C6: variants seen among roughly 807,000 people sequenced by gnomAD.
The protein encoded by C6 is complement component C6.
A neutral mutation model predicts 112.9 loss-of-function variants in C6; 101 were observed. That is an observed-to-expected ratio of 0.89 (90% CI 0.76 to 1.06). The LOEUF is 1.06. Ranked by LOEUF, C6 falls within the 50% of genes least tolerant of loss-of-function variation. The probability of loss-of-function intolerance (pLI) is 0.00; values close to 1 mark genes in which losing one functional copy is unlikely to be tolerated. For synonymous variants in C6, 431 were observed against 384.1 expected, an observed-to-expected ratio of 1.12 and a Z score of -1.43; for missense variants, 1,202 against 1,104.6, an observed-to-expected ratio of 1.09 and a Z score of -1.25.
chr5:41,260,872 GAAACAGAATGAATGAAAATGA>G (rs746688151), intron 1 of C6, among the ~76,000 whole-genome samples: 52 of 151,896 alleles, frequency 3.4e-4, no homozygotes, highest in Non-Finnish European at 6.6e-4. Flanking sequence ...TGGGTAAGGA[GAAACAGAATGAATGAAAATGA>G]AAACATGAAC....
At chr5:41,210,368 G>A (rs1420513003) in intron 1 of C6, among the ~76,000 whole-genome samples, 1 of 152,084 alleles carries the variant, frequency 6.6e-6, no homozygotes, top group Non-Finnish European at 1.5e-5. Flanking sequence ...TTGACAAATG[G>A]GATCTAATTA....
At chr5:41,199,669 A>G in intron 4 of C6, 99 bp downstream of exon 4, 1 of 1,184,714 alleles carries the variant, frequency 8.4e-7, no homozygotes. Context: ...ATGTGGTGGG[A>G]TTTCTCTGTG....
At chr5:41,172,728 G>A in intron 8 of C6, 1 of 311,904 alleles carries the variant, frequency 3.2e-6, no homozygotes, top group Non-Finnish European at 6.2e-6. Flanking sequence ...GCACTGTGTA[G>A]CCCTGCAAAT....
At chr5:41,194,218 A>T (rs957888827) in intron 5 of C6, among the ~76,000 whole-genome samples, 3 of 152,198 alleles carry the variant, frequency 2.0e-5, no homozygotes, top group African/African-American at 7.2e-5. Flanking sequence ...CATGGATAAG[A>T]ATATGTTGTT....
At chr5:41,256,131 T>A (rs558376192) in intron 1 of C6, among the ~76,000 whole-genome samples, 64 of 152,304 alleles carry the variant, frequency 4.2e-4, no homozygotes, top group African/African-American at 1.4e-3. Flanking sequence ...TCATTTTTTA[T>A]GGCTGCATAG....
Position 41,177,659 on chromosome 5 carries a change from C to A in C6, c.928-944G>T, listed in dbSNP as rs1349060042. 2.6e-5 allele frequency among the ~76,000 whole-genome samples: 4 copies of A among 152,054 alleles called. No homozygotes were observed. In the East Asian group the frequency reaches 7.7e-4, roughly 29 times the overall value. Reference sequence around the variant, plus strand: ...GTATGGCAAAAGATGACTGCTGACACAAAAGAAAAAAAATAATCCCAAGGA... The same window carrying A: ...GTATGGCAAAAGATGACTGCTGACAAAAAAGAAAAAAAATAATCCCAAGGA... On this transcript the variant is annotated intron_variant, in intron 7 of 17. Coordinates refer to ENST00000337836, the MANE Select transcript of C6 (RefSeq NM_000065.5).
intron 1 of C6, among the ~76,000 whole-genome samples, chr5:41,244,112 A>G (rs763745443): frequency 3.9e-5 from 6 of 152,222 alleles, no homozygotes; most frequent in Admixed American, 3.3e-4. Context: ...AGTCACAACT[A>G]TAGAAAAAGA....
At chr5:41,241,962 C>G (rs1188102875) in intron 1 of C6, among the ~76,000 whole-genome samples, 3 of 152,028 alleles carry the variant, frequency 2.0e-5, no homozygotes, top group Admixed American at 6.5e-5. Context: ...ATAAAAAAAC[C>G]TATAGCAAGA....
chr5:41,170,538 A>T (rs978893612), intron 9 of C6, among the ~76,000 whole-genome samples: 4 of 152,006 alleles, frequency 2.6e-5, no homozygotes, highest in Non-Finnish European at 5.9e-5. Flanking sequence ...ATATTACCAG[A>T]TTATTTGCTT....
At chr5:41,143,905 A>C (rs1003202293) in intron 17 of C6, among the ~76,000 whole-genome samples, 1 of 152,240 alleles carries the variant, frequency 6.6e-6, no homozygotes, top group Non-Finnish European at 1.5e-5. Context: ...GGTTTAAAAC[A>C]ATCATTTAGA....
intron 4 of C6, among the ~76,000 whole-genome samples, chr5:41,198,534 C>G (rs181915954): frequency 1.0e-3 from 159 of 152,142 alleles, no homozygotes; most frequent in Non-Finnish European, 1.7e-3. Context: ...GGAGTAGCAG[C>G]CGCTTAACAA....
chr5:41,147,185 C>G (rs1482845738), intron 17 of C6, among the ~76,000 whole-genome samples: 1 of 152,120 alleles, frequency 6.6e-6, no homozygotes, highest in Non-Finnish European at 1.5e-5. Flanking sequence ...ACTTTCAGCT[C>G]TTTTCTATCA....
At chr5:41,163,163 GA>G (rs201453388) in intron 9 of C6, among the ~76,000 whole-genome samples, 16,939 of 137,520 alleles carry the variant, frequency 0.12, 1,243 homozygotes, top group African/African-American at 0.23. Flanking sequence ...GCAAACAAAA[GA>G]AAAAAAAAAA....
intron 9 of C6, among the ~76,000 whole-genome samples, chr5:41,162,360 G>A (rs1340629958): frequency 6.6e-6 from 1 of 152,148 alleles, no homozygotes; most frequent in African/African-American, 2.4e-5. Context: ...TCAATTGACT[G>A]TCATGGTGAA....
chr5:41,253,202 C>T (rs1253021199), intron 1 of C6, among the ~76,000 whole-genome samples: 3 of 152,030 alleles, frequency 2.0e-5, no homozygotes, highest in Non-Finnish European at 4.4e-5. Flanking sequence ...TGGGATTTTT[C>T]CTTTCTGGCT....
chr5:41,155,491 C>A (rs1746810888), intron 13 of C6, among the ~76,000 whole-genome samples: 1 of 152,100 alleles, frequency 6.6e-6, no homozygotes, highest in South Asian at 2.1e-4. Context: ...AGTTCGAGAC[C>A]AGCTGGGGCA....
chr5:41,230,930 T>C (rs994886490), intron 1 of C6, among the ~76,000 whole-genome samples: 7 of 152,174 alleles, frequency 4.6e-5, no homozygotes, highest in Non-Finnish European at 1.0e-4. Context: ...ATATATAGTT[T>C]CTATTGTTAT....
intron 1 of C6, among the ~76,000 whole-genome samples, chr5:41,220,641 A>T (rs190234851): frequency 6.6e-6 from 1 of 152,240 alleles, no homozygotes; most frequent in African/African-American, 2.4e-5. Flanking sequence ...TTCTCTAGTG[A>T]TTAATGATGT....
At chr5:41,185,439 C>A (rs1749692499) in intron 6 of C6, among the ~76,000 whole-genome samples, 1 of 152,142 alleles carries the variant, frequency 6.6e-6, no homozygotes, top group Non-Finnish European at 1.5e-5. Flanking sequence ...CGTGTATTTT[C>A]TGTTCTTATC....
Sources: gnomAD v4.1 joint callset for allele counts (sites outside exome capture counted in the v4.1 genomes callset) on GRCh38, gnomAD v4.1.1 for gene constraint, MANE v1.5 for transcripts, NCBI Gene and HGNC (gene_info 2026-07-23, HGNC 2026-07-21) for gene names.